The following ZMYM5 variants were observed in gnomAD, a reference collection of about 807,000 sequenced individuals.
The protein encoded by ZMYM5 is zinc finger MYM-type protein 5.
Under a neutral mutation model 61.8 loss-of-function variants are expected in ZMYM5, and 41 were observed. The observed-to-expected ratio is 0.66, with a 90% CI of 0.52 to 0.86. ZMYM5 has a LOEUF of 0.86. Among genes scored for constraint, ZMYM5 ranks in the 40% least tolerant of loss-of-function variants. ZMYM5 has a pLI of 0.00. For synonymous variants in ZMYM5, 257 were observed against 276.4 expected, an observed-to-expected ratio of 0.93 and a Z score of 0.70; for missense variants, 706 against 786.7, an observed-to-expected ratio of 0.90 and a Z score of 1.23.
chr13:19,840,105 A>G (rs1268698316), intron 4 of ZMYM5, among the ~76,000 whole-genome samples: 1 of 152,218 alleles, frequency 6.6e-6, no homozygotes, highest in Non-Finnish European at 1.5e-5. Context: ...TTGAGAAACA[A>G]GGTTCTATGA....
At chr13:19,850,210 C>T (rs566442097) in intron 4 of ZMYM5, among the ~76,000 whole-genome samples, 2 of 152,192 alleles carry the variant, frequency 1.3e-5, no homozygotes, top group South Asian at 4.1e-4. Context: ...CAGAATAGGA[C>T]TATCTATATA....
At chr13:19,830,620 G>A (rs1378800209) in intron 7 of ZMYM5, among the ~76,000 whole-genome samples, 2 of 151,488 alleles carry the variant, frequency 1.3e-5, no homozygotes, top group Admixed American at 6.6e-5. Context: ...TGCAACCTCC[G>A]CCTCCCAGGT....
chr13:19,825,046 G>C lies in ZMYM5; in HGVS notation c.1441C>G (p.Leu481Val). 1 of 1,367,656 alleles carries C rather than the reference G, an allele frequency of 7.3e-7. No homozygotes were observed. The highest frequency in any genetic ancestry group is 1.1e-5 in the South Asian group (1 of 88,040). 84.7% of individuals were successfully genotyped at this position (1,367,656 alleles called of 1,614,324 possible). ...GGTAAATTCACATTCTCTTGGATCAGTAATGTATCCGTGCCACATTCTACT... is the reference window on the plus strand; with the variant it reads ...GGTAAATTCACATTCTCTTGGATCACTAATGTATCCGTGCCACATTCTACT... ...LSVECGTDTL[L>V]IQENVNLPPS... The change falls in exon 8 of 8, where the codon CTG (leucine) becomes GTG (valine). Residue 481 changes from leucine to valine, a missense_variant. Coordinates refer to ENST00000337963, the MANE Select transcript of ZMYM5 (RefSeq NM_001142684.2).
intron 7 of ZMYM5, among the ~76,000 whole-genome samples, chr13:19,828,202 G>A (rs980848656): frequency 2.6e-5 from 4 of 152,178 alleles, no homozygotes; most frequent in Middle Eastern, 3.4e-3. Context: ...GGCCAGGTGC[G>A]GTGGCTCACG....
At chr13:19,849,792 C>A (rs765490393) in intron 4 of ZMYM5, among the ~76,000 whole-genome samples, 5 of 152,014 alleles carry the variant, frequency 3.3e-5, no homozygotes, top group South Asian at 2.1e-4. Context: ...CCAGCCTGGC[C>A]AACATAGTGA....
intron 4 of ZMYM5, among the ~76,000 whole-genome samples, chr13:19,843,186 T>G (rs1306415528): frequency 6.6e-6 from 1 of 150,518 alleles, no homozygotes; most frequent in Non-Finnish European, 1.5e-5. Flanking sequence ...AGTGTGATCT[T>G]GGCTCACTGC....
chr13:19,825,255 T>C lies in ZMYM5; in HGVS notation c.1252-20A>G, dbSNP rs151177909. On this transcript the variant is annotated intron_variant, in intron 7 of 7. Transcript: ENST00000337963. ...CATCATCTGAGGACAAAGAGGATTATAATTTTATTTTAGGTTAAACTTTTA... is the reference window on the plus strand; with the variant it reads ...CATCATCTGAGGACAAAGAGGATTACAATTTTATTTTAGGTTAAACTTTTA... 773 of 1,226,686 alleles carry C rather than the reference T, an allele frequency of 6.3e-4. 10 individuals are homozygous for C. The African/African-American group carries it at 0.011, about 18-fold the overall frequency. The allele number at this position is 1,226,686 out of a possible 1,614,324, so 76.0% of individuals were successfully genotyped here. A position where few individuals can be genotyped will look rare whatever the true frequency, so the allele number is the denominator to read the frequency against.
Position 19,835,565 on chromosome 13 carries a change from G to GGCAT in ZMYM5, c.1159_1162dup (p.Pro388HisfsTer3), listed in dbSNP as rs1952648522. The GGCAT allele has an allele frequency of 7.3e-7, 1 of 1,367,566 alleles. No homozygotes were observed. Among genetic ancestry groups the GGCAT allele is most frequent in the South Asian group, 1.1e-5 (1 of 88,050 alleles). The allele number at this position is 1,367,566 out of a possible 1,614,324, so 84.7% of individuals were successfully genotyped here. A position where few individuals can be genotyped will look rare whatever the true frequency, so the allele number is the denominator to read the frequency against. Reference sequence around the variant, plus strand: ...GATGTTGTTTCCAGTACTCTTACTAGGCATGTACTCTCCACAGTGTTCACA... The same window carrying GGCAT: ...GATGTTGTTTCCAGTACTCTTACTAGGCATGCATGTACTCTCCACAGTGTTCACA... On this transcript the variant is annotated frameshift_variant, in exon 7 of 8. Transcript: ENST00000337963. LOFTEE classifies it high-confidence loss of function.
chr13:19,836,349 T>C (rs1298514702), intron 6 of ZMYM5, among the ~76,000 whole-genome samples: 1 of 152,030 alleles, frequency 6.6e-6, no homozygotes, highest in Non-Finnish European at 1.5e-5. Context: ...CCTCTACTCA[T>C]GCCTCCTGAA....
chr13:19,825,584 T>TTGAGC (rs527430106), intron 7 of ZMYM5, among the ~76,000 whole-genome samples: 177 of 151,082 alleles, frequency 1.2e-3, no homozygotes, highest in African/African-American at 3.7e-3. Flanking sequence ...GAGGCAGAGG[T>TTGAGC]TGAGCTGAGC....
intron 2 of ZMYM5, among the ~76,000 whole-genome samples, chr13:19,852,784 G>C (rs1447869013): frequency 2.0e-5 from 3 of 151,812 alleles, no homozygotes; most frequent in Non-Finnish European, 2.9e-5. Context: ...AGAAACTGAG[G>C]CCTAGGGAAG....
At chr13:19,838,444 GC>G (rs1483905864) in intron 5 of ZMYM5, among the ~76,000 whole-genome samples, 2 of 152,154 alleles carry the variant, frequency 1.3e-5, no homozygotes, top group Non-Finnish European at 2.9e-5. Flanking sequence ...AGATGGGGGA[GC>G]AGGGGAGGCA....
At chr13:19,840,187 C>A (rs1380661369) in intron 4 of ZMYM5, among the ~76,000 whole-genome samples, 1 of 152,192 alleles carries the variant, frequency 6.6e-6, no homozygotes, top group African/African-American at 2.4e-5. Context: ...CCTATAATCC[C>A]AGCACTTTGG....
At chr13:19,833,722 A>G (rs908914795) in intron 7 of ZMYM5, among the ~76,000 whole-genome samples, 2 of 152,234 alleles carry the variant, frequency 1.3e-5, no homozygotes, top group Non-Finnish European at 2.9e-5. Flanking sequence ...CACAAAAACT[A>G]TTAATCACAA....
At position 19,862,387 on chromosome 13, in the gene ZMYM5, AAAAC is replaced by A. The variant is rs1176895037; in HGVS notation, c.-11+8_-11+11del. On this transcript the variant is annotated splice_region_variant and intron_variant, in intron 2 of 7. Transcript: ENST00000337963. ...GACAGCAAAGCGGGGTAAAAAAAAA[AAAAC>A]AACTCACAATGGAGATATTTCCTTC... 2.0e-5 allele frequency: 3 copies of A among 152,160 alleles called. No individual in the cohort carries two copies. The highest frequency in any genetic ancestry group is 4.4e-5 in the Non-Finnish European group (3 of 68,056). 9.4% of individuals were successfully genotyped at this position (152,160 alleles called of 1,614,324 possible).
chr13:19,839,237 TCGGC>T (rs1952780463), intron 4 of ZMYM5, among the ~76,000 whole-genome samples: 1 of 149,854 alleles, frequency 6.7e-6, no homozygotes, highest in African/African-American at 2.5e-5. Context: ...GTGGTAGCCA[TCGGC>T]TCTTAAGTCA....
rs540251769 is a variant in ZMYM5 at position 19,836,778 on chromosome 13, G to A, written c.1038+878C>T. Among the ~76,000 whole-genome samples, 22 of 152,268 alleles carry A rather than the reference G, an allele frequency of 1.4e-4. No homozygotes were observed. In the South Asian group the frequency reaches 4.4e-3, roughly 30 times the overall value. ...ATAAAATCATGTTCTTGATATGCAT[G>A]ACTCAGGGGTAACCAACACCAAATT... On this transcript the variant is annotated intron_variant, in intron 6 of 7. Transcript: ENST00000337963.
At chr13:19,839,282 A>G (rs1952782537) in intron 4 of ZMYM5, among the ~76,000 whole-genome samples, 1 of 152,188 alleles carries the variant, frequency 6.6e-6, no homozygotes, top group Non-Finnish European at 1.5e-5. Flanking sequence ...CCTGAATGTA[A>G]TATTATACAA....
At chr13:19,828,709 C>T (rs1453265709) in intron 7 of ZMYM5, among the ~76,000 whole-genome samples, 1 of 152,102 alleles carries the variant, frequency 6.6e-6, no homozygotes, top group African/African-American at 2.4e-5. Flanking sequence ...GAGAAGTGCT[C>T]AGGAAGTAGA....
Sources: allele counts gnomAD v4.1 joint callset (sites outside exome capture counted in the v4.1 genomes callset), GRCh38; gene constraint gnomAD v4.1.1; transcripts MANE v1.5; gene names NCBI Gene and HGNC (gene_info 2026-07-23, HGNC 2026-07-21).